The following SAXO1 variants were observed in gnomAD, a reference collection of about 807,000 sequenced individuals.
SAXO1 encodes stabilizer of axonemal microtubules 1.
SAXO1 carries 21 observed loss-of-function variants against 17.5 expected under a neutral mutation model. The ratio of observed to expected loss-of-function variants is 1.20; its 90% confidence interval spans 0.85 to 1.72. The LOEUF (loss-of-function observed/expected upper bound fraction) is 1.72, where lower values mean the gene tolerates loss of function less well. Among genes scored for constraint, SAXO1 ranks in the 40% most tolerant of loss-of-function variants. The pLI, the probability that SAXO1 is intolerant of heterozygous loss-of-function variation, is 0.00. For missense variants in SAXO1, 843 were observed against 596.0 expected (o/e 1.41, Z -4.32); for synonymous variants, 274 against 216.5 (o/e 1.27, Z -2.33).
chr9:18,964,437 C>T lies in SAXO1; in HGVS notation c.39-13500G>A, dbSNP rs141202979. ...TTGGTTGGTGGACTATTAATTACTG[C>T]CTCAATTTCAGAACTTGTTATTGGT... On this transcript the variant is annotated intron_variant, in intron 1 of 3. Transcript: ENST00000380534. Among the ~76,000 whole-genome samples the T allele has an allele frequency of 2.2e-4, 34 of 152,280 alleles. No individual in the cohort carries two copies. In the East Asian group the frequency reaches 5.8e-3, roughly 26 times the overall value.
intron 1 of SAXO1, among the ~76,000 whole-genome samples, chr9:18,981,546 T>C (rs560677118): frequency 1.3e-5 from 2 of 152,246 alleles, no homozygotes; most frequent in South Asian, 2.1e-4. Flanking sequence ...GTCATACTAG[T>C]GATTCTGGCC....
intron 1 of SAXO1, among the ~76,000 whole-genome samples, chr9:19,043,842 A>G (rs1488067541): frequency 6.6e-6 from 1 of 152,172 alleles, no homozygotes; most frequent in Non-Finnish European, 1.5e-5. Flanking sequence ...ACATTCAAAA[A>G]TAACTAAAAG....
chr9:18,935,198 G>A (rs190220837), intron 3 of SAXO1, among the ~76,000 whole-genome samples: 1 of 152,268 alleles, frequency 6.6e-6, no homozygotes, highest in Admixed American at 6.5e-5. Flanking sequence ...ATAGACGTGA[G>A]CCACCTTGCC....
chr9:19,038,064 C>T (rs563475541), upstream of SAXO1, among the ~76,000 whole-genome samples: 41 of 152,316 alleles, frequency 2.7e-4, no homozygotes, highest in African/African-American at 9.4e-4. Flanking sequence ...GAGATACCAT[C>T]TCACACCAGT....
chr9:19,007,380 T>C (rs1335888571), intron 1 of SAXO1, among the ~76,000 whole-genome samples: 1 of 152,194 alleles, frequency 6.6e-6, no homozygotes, highest in Non-Finnish European at 1.5e-5. Context: ...GTTAAAATGT[T>C]AAATTTTAAG....
chr9:19,021,828 G>A (rs992004244), intron 1 of SAXO1, among the ~76,000 whole-genome samples: 3 of 152,090 alleles, frequency 2.0e-5, no homozygotes, highest in African/African-American at 7.2e-5. Flanking sequence ...GCACCAATCA[G>A]CACTCTGTAA....
At chr9:18,998,338 T>C (rs1834097314) in intron 1 of SAXO1, among the ~76,000 whole-genome samples, 1 of 151,976 alleles carries the variant, frequency 6.6e-6, no homozygotes, top group Non-Finnish European at 1.5e-5. Context: ...CAATAGCCAA[T>C]TTGATCAAGC....
At chr9:18,971,486 A>T (rs1271022865) in intron 1 of SAXO1, among the ~76,000 whole-genome samples, 1 of 152,172 alleles carries the variant, frequency 6.6e-6, no homozygotes, top group Non-Finnish European at 1.5e-5. Context: ...GAATGGAATG[A>T]TTTTAGAAAA....
At chr9:18,993,684 T>C (rs967562222) in intron 1 of SAXO1, among the ~76,000 whole-genome samples, 1 of 152,080 alleles carries the variant, frequency 6.6e-6, no homozygotes, top group South Asian at 2.1e-4. Context: ...AAAGGGGGTA[T>C]AAGGTAAGAA....
intron 1 of SAXO1, among the ~76,000 whole-genome samples, chr9:18,993,106 ATT>A (rs201231209): frequency 2.7e-5 from 4 of 145,830 alleles, no homozygotes; most frequent in Non-Finnish European, 3.0e-5. Flanking sequence ...AGCCAGAACA[ATT>A]TTTTTTTTTT....
intron 1 of SAXO1, among the ~76,000 whole-genome samples, chr9:19,000,559 G>T (rs1036384052): frequency 2.0e-5 from 3 of 151,848 alleles, no homozygotes; most frequent in Non-Finnish European, 4.4e-5. Flanking sequence ...GAGCACCTCT[G>T]CCCATACGCC....
intron 1 of SAXO1, among the ~76,000 whole-genome samples, chr9:19,016,187 G>C (rs1834966922): frequency 6.6e-6 from 1 of 152,178 alleles, no homozygotes; most frequent in Non-Finnish European, 1.5e-5. Flanking sequence ...TGTAATCCCA[G>C]CACTTTGGGA....
At chr9:18,929,165 G>C in intron 3 of SAXO1, 110 bp from the exon 4 acceptor site, 1 of 1,206,162 alleles carries the variant, frequency 8.3e-7, no homozygotes, top group South Asian at 1.5e-5. Context: ...TGTTCTTTGA[G>C]ACAAAGAAAG....
rs1832000539 is a variant in SAXO1, at chr9:18,950,758, C to T, written c.218G>A (p.Arg73Lys). 6.2e-7 allele frequency: 1 copy of T among 1,612,248 alleles called. No homozygotes were observed. Among genetic ancestry groups the T allele is most frequent in the Non-Finnish European group, 8.5e-7 (1 of 1,178,820 alleles). Reference sequence around the variant, plus strand: ...ATACATTAATACTGTTTGCCCTCACCTTGATGTAGTCAGGCCTTCCATTGG... The same window carrying T: ...ATACATTAATACTGTTTGCCCTCACTTTGATGTAGTCAGGCCTTCCATTGG... ...PIPMEGLTTSRRDFGPHKVAP... is the reference protein window; with the variant it reads ...PIPMEGLTTSKRDFGPHKVAP... The change falls in exon 2 of 4, where the codon AGG becomes AAG. Residue 73 changes from arginine (R) to lysine (K), a missense_variant and splice_region_variant. Arg to Lys is a conservative substitution (Grantham distance 26). Coordinates refer to ENST00000380534, the MANE Select transcript of SAXO1 (RefSeq NM_153707.4).
At position 18,949,946 on chromosome 9, in the gene SAXO1, T is replaced by A. The variant is rs186997131; in HGVS notation, c.218+812A>T. Among the ~76,000 whole-genome samples the A allele has an allele frequency of 5.9e-5, 9 of 152,264 alleles. No individual in the cohort carries two copies. The East Asian group carries it at 1.5e-3, about 26-fold the overall frequency. ...GGAAGGCAGAGAACACATCAATCTT[T>A]CAGGGCTCAGCTAAGGACAAAACTA... On this transcript the variant is annotated intron_variant, in intron 2 of 3. Coordinates refer to ENST00000380534, the MANE Select transcript of SAXO1 (RefSeq NM_153707.4).
At chr9:18,994,745 C>A (rs572590265) in intron 1 of SAXO1, among the ~76,000 whole-genome samples, 1 of 152,158 alleles carries the variant, frequency 6.6e-6, no homozygotes, top group South Asian at 2.1e-4. Context: ...CCCTAAGATC[C>A]CTTCCCCTCT....
chr9:18,932,739 A>G (rs1373901686), intron 3 of SAXO1, among the ~76,000 whole-genome samples: 3 of 152,192 alleles, frequency 2.0e-5, no homozygotes, highest in African/African-American at 7.2e-5. Context: ...AGCATGCAAG[A>G]CTTACACTTG....
chr9:19,023,755 A>G (rs1205887265), intron 1 of SAXO1, among the ~76,000 whole-genome samples: 1 of 151,950 alleles, frequency 6.6e-6, no homozygotes, highest in South Asian at 2.1e-4. Flanking sequence ...CCTAATTCAG[A>G]TATTGGGCAT....
At chr9:19,034,983 G>A (rs1052065459), upstream of SAXO1, among the ~76,000 whole-genome samples, 1 of 152,138 alleles carries the variant, frequency 6.6e-6, no homozygotes, top group African/African-American at 2.4e-5. Flanking sequence ...CTCCATCCAT[G>A]CCCTCAATAG....
Sources: allele counts gnomAD v4.1 joint callset (sites outside exome capture counted in the v4.1 genomes callset), GRCh38; gene constraint gnomAD v4.1.1; transcripts MANE v1.5; gene names NCBI Gene and HGNC (gene_info 2026-07-23, HGNC 2026-07-21).